The following SMOC1 variants were observed in gnomAD, a reference collection of about 807,000 sequenced individuals.
SMOC1 encodes SPARC-related modular calcium-binding protein 1.
A neutral mutation model predicts 56.3 loss-of-function variants in SMOC1; 22 were observed. The observed-to-expected ratio is 0.39, with a 90% confidence interval of 0.28 to 0.56. SMOC1 has a LOEUF of 0.56. Among genes scored for constraint, SMOC1 ranks in the 20% least tolerant of loss-of-function variants. The pLI is 0.61. For missense variants in SMOC1, 509 were observed against 565.4 expected, an observed-to-expected ratio of 0.90 and a Z score of 1.01; for synonymous variants, 193 against 215.0, an observed-to-expected ratio of 0.90 and a Z score of 0.89.
chr14:69,886,014 G>T, intron 1 of SMOC1: 1 of 1,585,160 alleles, frequency 6.3e-7, no homozygotes, highest in Non-Finnish European at 8.6e-7. Flanking sequence ...TGGATGTCCT[G>T]TCCAATGCCA....
chr14:69,951,625 G>A (rs551736849), intron 1 of SMOC1, among the ~76,000 whole-genome samples: 22 of 152,302 alleles, frequency 1.4e-4, no homozygotes, highest in African/African-American at 4.3e-4. Context: ...AAACTTTCCC[G>A]AGATGGAATT....
chr14:70,028,717 T>C (rs975301494), intron 11 of SMOC1, among the ~76,000 whole-genome samples: 33 of 152,118 alleles, frequency 2.2e-4, no homozygotes, highest in African/African-American at 7.9e-4. Flanking sequence ...GGAGGAAAGG[T>C]GGGATTTGAA....
intron 1 of SMOC1, among the ~76,000 whole-genome samples, chr14:69,943,555 G>A (rs1189322875): frequency 1.3e-5 from 2 of 152,244 alleles, no homozygotes; most frequent in Non-Finnish European, 2.9e-5. Context: ...TTTGCAGATG[G>A]TGAAGGACGT....
At chr14:69,939,720 C>T (rs1332851091) in intron 1 of SMOC1, among the ~76,000 whole-genome samples, 1 of 152,232 alleles carries the variant, frequency 6.6e-6, no homozygotes, top group Non-Finnish European at 1.5e-5. Context: ...GCCACATTCA[C>T]ATTTACTCCT....
intron 1 of SMOC1, among the ~76,000 whole-genome samples, chr14:69,907,150 C>A (rs575767769): frequency 3.3e-5 from 5 of 152,242 alleles, no homozygotes; most frequent in African/African-American, 1.2e-4. Context: ...GGGGCCATGA[C>A]TATTTTAAGT....
chr14:69,957,271 T>G (rs1327227533), intron 3 of SMOC1, among the ~76,000 whole-genome samples: 1 of 152,200 alleles, frequency 6.6e-6, no homozygotes, highest in East Asian at 1.9e-4. Flanking sequence ...TGAATGACAA[T>G]GATGCCCACT....
intron 1 of SMOC1, among the ~76,000 whole-genome samples, chr14:69,931,613 T>C (rs985666927): frequency 6.6e-6 from 1 of 152,200 alleles, no homozygotes; most frequent in Non-Finnish European, 1.5e-5. Flanking sequence ...GGGATTTAGG[T>C]TGGATTTAAG....
intron 1 of SMOC1, among the ~76,000 whole-genome samples, chr14:69,942,222 TAG>T (rs1271552591): frequency 2.0e-5 from 3 of 151,932 alleles, no homozygotes; most frequent in Admixed American, 6.6e-5. Context: ...GATCAGCTTG[TAG>T]GGGCAGGGCC....
chr14:69,942,156 G>C (rs1393921277), intron 1 of SMOC1, among the ~76,000 whole-genome samples: 1 of 152,052 alleles, frequency 6.6e-6, no homozygotes, highest in Non-Finnish European at 1.5e-5. Context: ...TTTGCTTCCT[G>C]GTTTCAAAAA....
At position 70,013,415 on chromosome 14, in the gene SMOC1, A is replaced by T; in HGVS notation, c.970A>T (p.Ile324Phe). Reference sequence around the variant, plus strand: ...TCCAGAAGGGAAGAAAATGGAGTTTATCACCAGCCTACTGGATGCTCTCAC... The same window carrying T: ...TCCAGAAGGGAAGAAAATGGAGTTTTTCACCAGCCTACTGGATGCTCTCAC... ...GCPEGKKMEF[I>F]TSLLDALTTD... is the part of the protein sequence containing the mutation. Residue 324 changes from isoleucine to phenylalanine, a missense_variant, in exon 10 of 12, where the codon ATC becomes TTC. Coordinates refer to ENST00000361956, the MANE Select transcript of SMOC1 (RefSeq NM_001034852.3). 1.2e-6 allele frequency: 2 copies of T among 1,614,216 alleles called. No homozygotes were observed. The highest frequency in any genetic ancestry group is 1.7e-6 in the Non-Finnish European group (2 of 1,180,028).
intron 4 of SMOC1, among the ~76,000 whole-genome samples, chr14:69,976,710 C>T (rs1883972316): frequency 6.6e-6 from 1 of 152,190 alleles, no homozygotes. Flanking sequence ...AAAAGCCTGT[C>T]TCACCCATCA....
rs111938771 is a variant in SMOC1, at chr14:69,893,469, A to G, written c.99+13692A>G. On this transcript the variant is annotated intron_variant, in intron 1 of 11. Coordinates refer to ENST00000361956, the MANE Select transcript of SMOC1 (RefSeq NM_001034852.3). ...GCGATTGCAAAGCTCTGAGGGGGAA[A>G]CTATGCCCTGAGTTCTTGGTTGGTG... Among the ~76,000 whole-genome samples, 1,299 of 152,242 alleles carry G rather than the reference A, an allele frequency of 8.5e-3. 10 individuals are homozygous for G. The highest frequency in any genetic ancestry group is 0.013 in the Non-Finnish European group (915 of 68,022).
rs1447169812 is a variant in SMOC1, at chr14:69,961,272, G to GTGTATATA, written c.378+7741_378+7742insGTATATAT. Reference sequence around the variant, plus strand: ...TTATTGTCAAGCAATATTCTATTGTGTATATATATATATATATATATATAT... The same window carrying GTGTATATA: ...TTATTGTCAAGCAATATTCTATTGTGTGTATATATATATATATATATATATATATATAT... On this transcript the variant is annotated intron_variant, in intron 3 of 11. Transcript: ENST00000361956. Among the ~76,000 whole-genome samples, 49 of 74,982 alleles carry GTGTATATA rather than the reference G, an allele frequency of 6.5e-4. 1 individual carries two copies. Among genetic ancestry groups the GTGTATATA allele is most frequent in the African/African-American group, 1.8e-3 (29 of 16,456 alleles). 49.2% of individuals were successfully genotyped at this position (74,982 alleles called of 152,430 possible). A position where few individuals can be genotyped will look rare whatever the true frequency, so the allele number is the denominator to read the frequency against.
At chr14:69,963,392 T>C (rs1883455442) in intron 3 of SMOC1, among the ~76,000 whole-genome samples, 1 of 152,126 alleles carries the variant, frequency 6.6e-6, no homozygotes, top group African/African-American at 2.4e-5. Flanking sequence ...AAGATGAGCA[T>C]TGTATATCTC....
chr14:69,905,141 A>T (rs1884372721), intron 1 of SMOC1, among the ~76,000 whole-genome samples: 2 of 152,168 alleles, frequency 1.3e-5, no homozygotes, highest in South Asian at 4.1e-4. Context: ...TGTAAGAACA[A>T]TATGATGATG....
At chr14:69,921,366 A>C (rs1292117280) in intron 1 of SMOC1, among the ~76,000 whole-genome samples, 2 of 152,170 alleles carry the variant, frequency 1.3e-5, no homozygotes, top group African/African-American at 4.8e-5. Context: ...GGCTGTTAGG[A>C]CATGAGGCTC....
intron 3 of SMOC1, among the ~76,000 whole-genome samples, chr14:69,968,439 A>G (rs751038055): frequency 1.3e-5 from 2 of 152,192 alleles, no homozygotes; most frequent in Non-Finnish European, 2.9e-5. Flanking sequence ...GGGTGGGGAC[A>G]TAAGTGGCCA....
chr14:69,996,773 T>G (rs1047782964), intron 7 of SMOC1, among the ~76,000 whole-genome samples: 1 of 152,222 alleles, frequency 6.6e-6, no homozygotes, highest in Non-Finnish European at 1.5e-5. Flanking sequence ...ATTGATAACT[T>G]AGGAATCTCC....
intron 3 of SMOC1, among the ~76,000 whole-genome samples, chr14:69,955,439 T>C (rs1883149196): frequency 6.6e-6 from 1 of 152,122 alleles, no homozygotes; most frequent in African/African-American, 2.4e-5. Flanking sequence ...TCTGTTGTTA[T>C]TCACTATTAT....
Sources: allele counts gnomAD v4.1 joint callset (sites outside exome capture counted in the v4.1 genomes callset), GRCh38; gene constraint gnomAD v4.1.1; transcripts MANE v1.5; gene names NCBI Gene and HGNC (gene_info 2026-07-23, HGNC 2026-07-21).